The following PTPRG variants were observed in gnomAD, a reference collection of about 807,000 sequenced individuals.
PTPRG encodes receptor-type tyrosine-protein phosphatase gamma.
PTPRG carries 102 observed loss-of-function variants against 165.3 expected under a neutral mutation model. That is an observed-to-expected ratio of 0.62 (90% CI 0.53 to 0.73). The LOEUF (loss-of-function observed/expected upper bound fraction) is 0.73. PTPRG is among the 30% of genes least tolerant of loss of function. PTPRG has a pLI of 0.00. For synonymous variants in PTPRG, 675 were observed against 669.5 expected (o/e 1.01, Z -0.13); for missense variants, 1,866 against 1,861.4 (o/e 1.00, Z -0.05).
rs3733095 is a variant in PTPRG, at chr3:61,679,767, G to A, written c.86-69111G>A. On this transcript the variant is annotated intron_variant, in intron 1 of 29. Coordinates refer to ENST00000474889, the MANE Select transcript of PTPRG (RefSeq NM_002841.4). ...TTGCACTGCAGCCTGGGCGACGAGC[G>A]AAACTCTGTCTCAAAAAACCAAAAA... Among the ~76,000 whole-genome samples, 493 of 152,092 alleles carry A rather than the reference G, an allele frequency of 3.2e-3. 16 individuals carry two copies. In the East Asian group the frequency reaches 0.075, roughly 23 times the overall value.
chr3:62,277,707 A>G (rs1362342808), intron 26 of PTPRG, 28 bp downstream of exon 26: 1 of 1,609,982 alleles, frequency 6.2e-7, no homozygotes, highest in Non-Finnish European at 8.5e-7. Context: ...GCTATATATT[A>G]ATGAGCCCAT....
intron 16 of PTPRG, chr3:62,262,513 A>G (rs1372307576): frequency 3.7e-6 from 1 of 272,102 alleles, no homozygotes; most frequent in East Asian, 8.1e-5. Flanking sequence ...TCACCCATAG[A>G]CTATGATGTA....
chr3:61,763,836 C>A (rs2033933662), intron 2 of PTPRG, among the ~76,000 whole-genome samples: 1 of 151,952 alleles, frequency 6.6e-6, no homozygotes, highest in Admixed American at 6.6e-5. Context: ...TATGGTATTC[C>A]TAGCTTCCCT....
At chr3:61,731,988 G>T (rs1269011470) in intron 1 of PTPRG, among the ~76,000 whole-genome samples, 2 of 151,838 alleles carry the variant, frequency 1.3e-5, no homozygotes, top group Non-Finnish European at 2.9e-5. Flanking sequence ...TTTCAATAGA[G>T]ACGGGGGAGT....
chr3:62,135,270 C>CA (rs527679334), intron 6 of PTPRG, among the ~76,000 whole-genome samples: 2,858 of 80,860 alleles, frequency 0.035, 33 homozygotes, highest in Middle Eastern at 0.075. Flanking sequence ...GATTCTGTCT[C>CA]AAAAAAAAAA....
At chr3:61,886,490 T>G (rs571078606) in intron 2 of PTPRG, among the ~76,000 whole-genome samples, 15 of 152,278 alleles carry the variant, frequency 9.9e-5, no homozygotes, top group African/African-American at 3.6e-4. Flanking sequence ...GTCAGTAAGA[T>G]AGTGTTGAAG....
In PTPRG at chr3:61,724,182, C is replaced by T. The variant is rs138398297; in HGVS notation, c.86-24696C>T. Among the ~76,000 whole-genome samples the T allele has an allele frequency of 6.9e-3, 989 of 142,568 alleles. 3 individuals are homozygous for T. The highest frequency in any genetic ancestry group is 0.011 in the African/African-American group (417 of 36,898). The allele number at this position is 142,568 out of a possible 152,430, so 93.5% of individuals were successfully genotyped here. A position where few individuals can be genotyped will look rare whatever the true frequency, so the allele number is the denominator to read the frequency against. On this transcript the variant is annotated intron_variant, in intron 1 of 29. Transcript: ENST00000474889. ...AGTGAGCTGAGATCATGCCACTGTA[C>T]TCCAGCCTGGGTGACAGAGTGAGAC... is the stretch of plus-strand genomic sequence containing the variant.
intron 2 of PTPRG, among the ~76,000 whole-genome samples, chr3:61,938,062 C>T (rs1332145350): frequency 6.6e-6 from 1 of 151,478 alleles, no homozygotes; most frequent in Non-Finnish European, 1.5e-5. Flanking sequence ...TCCCACTGTT[C>T]TAAGACTGCA....
In PTPRG at chr3:61,791,644, C is replaced by T. The variant is rs141149188; in HGVS notation, c.190+42662C>T. ...CTGGAATTACAGACATGTGCCACCA[C>T]GCCTGGCTAATGTTTATATTTTCAG... On this transcript the variant is annotated intron_variant, in intron 2 of 29. Coordinates refer to ENST00000474889, the MANE Select transcript of PTPRG (RefSeq NM_002841.4). 3.1e-3 allele frequency among the ~76,000 whole-genome samples: 468 copies of T among 152,272 alleles called. 2 individuals are homozygous for T. Among genetic ancestry groups the T allele is most frequent in the African/African-American group, 0.011 (450 of 41,562 alleles).
At chr3:61,915,460 G>A (rs2038911347) in intron 2 of PTPRG, among the ~76,000 whole-genome samples, 2 of 152,276 alleles carry the variant, frequency 1.3e-5, no homozygotes, top group South Asian at 4.1e-4. Context: ...GCTGAAATCT[G>A]ATTAATGTAG....
At chr3:61,640,795 A>G (rs969294216) in intron 1 of PTPRG, among the ~76,000 whole-genome samples, 1 of 152,202 alleles carries the variant, frequency 6.6e-6, no homozygotes, top group South Asian at 2.1e-4. Context: ...TCACGTTTCT[A>G]CTTCTGGTTT....
chr3:62,022,494 C>T (rs1467971995), intron 4 of PTPRG, among the ~76,000 whole-genome samples: 3 of 152,186 alleles, frequency 2.0e-5, no homozygotes, highest in Non-Finnish European at 4.4e-5. Flanking sequence ...TTTTACCCAA[C>T]AGGCATTTTT....
chr3:61,859,479 C>G (rs190415580), intron 2 of PTPRG, among the ~76,000 whole-genome samples: 12 of 152,210 alleles, frequency 7.9e-5, no homozygotes, highest in Admixed American at 2.6e-4. Flanking sequence ...CTTTCTTCCC[C>G]CTATGCCTCT....
intron 2 of PTPRG, among the ~76,000 whole-genome samples, chr3:61,863,404 TTAGA>T (rs1399442205): frequency 2.0e-5 from 3 of 152,194 alleles, no homozygotes; most frequent in Admixed American, 6.5e-5. Context: ...TTTCATAGTA[TTAGA>T]TAGGGAAAAA....
intron 2 of PTPRG, among the ~76,000 whole-genome samples, chr3:61,881,643 T>G (rs1269577488): frequency 6.6e-6 from 1 of 152,226 alleles, no homozygotes; most frequent in East Asian, 1.9e-4. Flanking sequence ...TTGACTAGAT[T>G]TATTTTAGGT....
Position 62,254,620 on chromosome 3 carries a change from A to G in PTPRG, c.2468-504A>G, listed in dbSNP as rs1377918561. Among the ~76,000 whole-genome samples, 2 of 152,156 alleles carry G rather than the reference A, an allele frequency of 1.3e-5. No individual in the cohort carries two copies. The highest frequency in any genetic ancestry group is 3.9e-4 in the East Asian group (2 of 5,192). On this transcript the variant is annotated intron_variant, in intron 15 of 29. Transcript: ENST00000474889. The surrounding 1 kb of genome is among the most constrained non-coding windows in gnomAD (Gnocchi z 4.6). ...GGCATTGTACCCAGAGCCAGCTGGT[A>G]CAATGGCATCTATCTATAATTGTGT...
chr3:61,667,404 A>G (rs1362789419), intron 1 of PTPRG, among the ~76,000 whole-genome samples: 3 of 152,176 alleles, frequency 2.0e-5, no homozygotes, highest in Non-Finnish European at 2.9e-5. Context: ...AAAGAAAAAT[A>G]TATATATGTA....
intron 2 of PTPRG, among the ~76,000 whole-genome samples, chr3:61,971,760 TAA>T (rs996426190): frequency 3.3e-5 from 5 of 152,276 alleles, no homozygotes; most frequent in Non-Finnish European, 5.9e-5. Context: ...GTAAATTTAC[TAA>T]GAGTCATTGA....
At chr3:61,844,088 C>T (rs1032468733) in intron 2 of PTPRG, among the ~76,000 whole-genome samples, 2 of 151,912 alleles carry the variant, frequency 1.3e-5, no homozygotes, top group South Asian at 4.2e-4. Context: ...CTCAGCCTCC[C>T]GAGTAGCTGG....
Sources: gnomAD v4.1 joint callset for allele counts (sites outside exome capture counted in the v4.1 genomes callset) on GRCh38, gnomAD v4.1.1 for gene constraint, Gnocchi (gnomAD v3.1) non-coding constraint, MANE v1.5 for transcripts, NCBI Gene and HGNC (gene_info 2026-07-23, HGNC 2026-07-21) for gene names.